Variants in TMEM132A observed in about 807,000 individuals in gnomAD.
The protein encoded by TMEM132A is transmembrane protein 132A.
In TMEM132A, 48 loss-of-function variants were observed where a neutral mutation model predicts 69.9. That is an observed-to-expected ratio of 0.69 (90% CI 0.55 to 0.87). The LOEUF is 0.87. Among genes scored for constraint, TMEM132A ranks in the 40% least tolerant of loss-of-function variants. The probability of loss-of-function intolerance (pLI) is 0.00; values close to 1 mark genes in which losing one functional copy is unlikely to be tolerated. For missense variants in TMEM132A, 1,287 were observed against 1,407.2 expected (o/e 0.91, Z 1.37); for synonymous variants, 577 against 613.7 (o/e 0.94, Z 0.88).
chr11:60,931,615 T>C (rs981732234), intron 5 of TMEM132A, 74 bp from the exon 6 acceptor site: 1 of 1,434,212 alleles, frequency 7.0e-7, no homozygotes, highest in Non-Finnish European at 9.6e-7. Flanking sequence ...GGGATAATCA[T>C]GAATGCAGGA....
At position 60,934,432 on chromosome 11, in the gene TMEM132A, G is replaced by C. The variant is rs936177283; in HGVS notation, c.1560-56G>C. Reference sequence around the variant, plus strand: ...TGCGGGTCTCCAGCAGCTGGGCCCTGGGCAGGCTGGGGCCGCTCAGCGCTG... The same window carrying C: ...TGCGGGTCTCCAGCAGCTGGGCCCTCGGCAGGCTGGGGCCGCTCAGCGCTG... On this transcript the variant is annotated intron_variant, in intron 8 of 10. Coordinates refer to ENST00000453848, the MANE Select transcript of TMEM132A (RefSeq NM_178031.3). 5 of 1,311,448 alleles carry C rather than the reference G, an allele frequency of 3.8e-6. No homozygotes were observed. The Admixed American group carries it at 1.7e-4, about 44-fold the overall frequency. 81.2% of individuals were successfully genotyped at this position (1,311,448 alleles called of 1,614,324 possible).
In TMEM132A at chr11:60,931,756, G is replaced by T; in HGVS notation, c.1084G>T (p.Ala362Ser). ...GGAGAATAGCACTGGTGGGGGCGTA[G>T]CGGTCACTCGCCCCGTCACGTGGCA... The part of the protein sequence containing the change: ...VVENSTGGGV[A>S]VTRPVTWQLE... The change falls in exon 6 of 11, where the codon GCG becomes TCG. Residue 362 changes from alanine to serine, a missense_variant. Physicochemically the swap from Ala to Ser is moderately conservative, Grantham distance 99. Coordinates refer to ENST00000453848, the MANE Select transcript of TMEM132A (RefSeq NM_178031.3). The T allele has an allele frequency of 6.2e-7, 1 of 1,614,220 alleles. No homozygotes were observed. Among genetic ancestry groups the T allele is most frequent in the Middle Eastern group, 1.6e-4 (1 of 6,062 alleles).
chr11:60,931,055 C>T (rs959407383), intron 5 of TMEM132A, among the ~76,000 whole-genome samples: 12 of 152,238 alleles, frequency 7.9e-5, no homozygotes, highest in African/African-American at 2.6e-4. Context: ...TTATTCATGC[C>T]CTGAGCCTGG....
Position 60,931,895 on chromosome 11 carries a change from C to T in TMEM132A, c.1212+11C>T. 9 of 1,614,216 alleles carry T rather than the reference C, an allele frequency of 5.6e-6. No individual in the cohort carries two copies. Among genetic ancestry groups the T allele is most frequent in the Non-Finnish European group, 7.6e-6 (9 of 1,180,032 alleles). ...ATCCCACTGGCCAAGGTAAGGAGAC[C>T]TCCATCTCTGCCTGGGAAGGCTGGA... On this transcript the variant is annotated intron_variant, in intron 6 of 10. Transcript: ENST00000453848.
In TMEM132A at chr11:60,936,902, T is replaced by C; in HGVS notation, c.3067T>C (p.Ser1023Pro). ...CTACATGGAGAGGATCCGGGGCAGCTCCTGACCCTCCACAGCCACCTGGTC... is the reference window on the plus strand; with the variant it reads ...CTACATGGAGAGGATCCGGGGCAGCCCCTGACCCTCCACAGCCACCTGGTC... ...RNYMERIRGS[S>P] is the part of the protein sequence containing the mutation. The change falls in exon 11 of 11, where the codon TCC becomes CCC. Residue 1023 changes from serine (S) to proline (P), a missense_variant. Coordinates refer to ENST00000453848, the MANE Select transcript of TMEM132A (RefSeq NM_178031.3). The C allele has an allele frequency of 2.6e-6, 4 of 1,533,174 alleles. No individual in the cohort carries two copies. Among genetic ancestry groups the C allele is most frequent in the Non-Finnish European group, 3.5e-6 (4 of 1,139,532 alleles). 95.0% of individuals were successfully genotyped at this position (1,533,174 alleles called of 1,614,324 possible).
chr11:60,933,686 C>T lies in TMEM132A; in HGVS notation c.1501C>T (p.Leu501Phe), dbSNP rs753103512. 7 of 1,603,940 alleles carry T rather than the reference C, an allele frequency of 4.4e-6. No individual in the cohort carries two copies. Among genetic ancestry groups the T allele is most frequent in the African/African-American group, 2.7e-5 (2 of 74,820 alleles). The change falls in exon 8 of 11, where the codon CTC (leucine) becomes TTC (phenylalanine). Residue 501 changes from leucine to phenylalanine, a missense_variant. Physicochemically the swap from Leu to Phe is conservative, Grantham distance 22. Coordinates refer to ENST00000453848, the MANE Select transcript of TMEM132A (RefSeq NM_178031.3). Reference protein sequence around the residue: ...WAPLLPLRIELTDTTLEQVRG... With the variant: ...WAPLLPLRIEFTDTTLEQVRG... ...CCCCCTGCTACCGCTGCGTATCGAGCTCACCGACACCACCCTCGAGCAGGT... is the reference window on the plus strand; with the variant it reads ...CCCCCTGCTACCGCTGCGTATCGAGTTCACCGACACCACCCTCGAGCAGGT...
chr11:60,932,392 G>T (rs146824318), intron 7 of TMEM132A: 45 of 356,688 alleles, frequency 1.3e-4, no homozygotes, highest in Middle Eastern at 1.5e-3. Context: ...AGAGTCGAGA[G>T]CACATACTCT....
At position 60,935,887 on chromosome 11, in the gene TMEM132A, G is replaced by C; in HGVS notation, c.2052G>C (p.Leu684=). Residue 684 remains leucine, a synonymous_variant, in exon 11 of 11, where the codon CTG becomes CTC. Transcript: ENST00000453848. This position sits in a 1 kb window ranked among gnomAD's most constrained non-coding sequence, Gnocchi z 5.0. ...PKQEVALSLW[L]SFSDHTVAPA... Reference sequence around the variant, plus strand: ...AGGAGGTGGCCCTCTCCCTATGGCTGTCCTTCTCTGATCACACTGTGGCCC... The same window carrying C: ...AGGAGGTGGCCCTCTCCCTATGGCTCTCCTTCTCTGATCACACTGTGGCCC... 3.7e-6 allele frequency: 6 copies of C among 1,612,038 alleles called. No homozygotes were observed. The highest frequency in any genetic ancestry group is 4.2e-6 in the Non-Finnish European group (5 of 1,179,988).
intron 3 of TMEM132A, 76 bp from the exon 4 acceptor site, chr11:60,928,553 T>C: frequency 1.4e-6 from 2 of 1,397,242 alleles, no homozygotes; most frequent in South Asian, 1.2e-5. Flanking sequence ...CTGGGTTTCC[T>C]GCCATGGGTG....
At position 60,936,819 on chromosome 11, in the gene TMEM132A, A is replaced by C; in HGVS notation, c.2984A>C (p.Glu995Ala). The change falls in exon 11 of 11, where the codon GAG (glutamate) becomes GCG (alanine). Residue 995 changes from glutamate to alanine, a missense_variant. By Grantham distance (107) the Glu-to-Ala change is moderately radical. Transcript: ENST00000453848. ...CAGTCCATCCTTGTGGCAGGCGAGG[A>C]GGACATCCGCTGGGTGTGTGAGGAC... Reference protein sequence around the residue: ...AVQSILVAGEEDIRWVCEDMG... With the variant: ...AVQSILVAGEADIRWVCEDMG... 6.2e-7 allele frequency: 1 copy of C among 1,613,100 alleles called. No homozygotes were observed. The highest frequency in any genetic ancestry group is 8.5e-7 in the Non-Finnish European group (1 of 1,179,590).
In TMEM132A at chr11:60,932,074, G is replaced by A; in HGVS notation, c.1303G>A (p.Val435Met). Residue 435 changes from valine to methionine, a missense_variant, in exon 7 of 11, where the codon GTG becomes ATG. By Grantham distance (21) the Val-to-Met change is conservative. Transcript: ENST00000453848. ...LVTVDGGGAL[V>M]EVTEHVGCES... ...CACTGTGGACGGCGGGGGGGCCTTG[G>A]TGGAGGTGACAGAGCATGTCGGCTG... The A allele has an allele frequency of 2.5e-6, 4 of 1,582,190 alleles. No individual in the cohort carries two copies. Among genetic ancestry groups the A allele is most frequent in the Middle Eastern group, 3.4e-4 (2 of 5,888 alleles).
chr11:60,925,052 G>A (rs970772651), intron 1 of TMEM132A, among the ~76,000 whole-genome samples: 7 of 152,130 alleles, frequency 4.6e-5, no homozygotes, highest in Non-Finnish European at 7.4e-5. Context: ...GGTCCCGGGC[G>A]CACTAGCGTC....
rs370579260 is a variant in TMEM132A, at chr11:60,934,772, G to T, written c.1836+8G>T. The T allele has an allele frequency of 6.3e-7, 1 of 1,592,194 alleles. No individual in the cohort carries two copies. The highest frequency in any genetic ancestry group is 1.1e-5 in the South Asian group (1 of 89,452). On this transcript the variant is annotated splice_region_variant and intron_variant, in intron 9 of 10. Coordinates refer to ENST00000453848, the MANE Select transcript of TMEM132A (RefSeq NM_178031.3). ...GGTGTCACCTCCATTGAGGTAAGCA[G>T]CTGGGGACCAGGAGAGTAGACCCCC...
rs1856306800 is a variant in TMEM132A, at chr11:60,924,531, C to T, written c.-103C>T. ...GCGGCGGCGGCGGCGGCGGCCGGGACCCAGCGGGCCAGGTGGGGACGGCGC... is the reference window on the plus strand; with the variant it reads ...GCGGCGGCGGCGGCGGCGGCCGGGATCCAGCGGGCCAGGTGGGGACGGCGC... On this transcript the variant is annotated 5_prime_UTR_variant, in exon 1 of 11. Transcript: ENST00000453848. 8.4e-6 allele frequency: 7 copies of T among 833,072 alleles called. No homozygotes were observed. Among genetic ancestry groups the T allele is most frequent in the African/African-American group, 1.8e-5 (1 of 55,274 alleles). 51.6% of individuals were successfully genotyped at this position (833,072 alleles called of 1,614,324 possible). A position where few individuals can be genotyped will look rare whatever the true frequency, so the allele number is the denominator to read the frequency against.
chr11:60,927,424 G>A lies in TMEM132A; in HGVS notation c.315+6G>A, dbSNP rs967508291. The A allele has an allele frequency of 5.0e-6, 8 of 1,608,644 alleles. No homozygotes were observed. The highest frequency in any genetic ancestry group is 6.8e-6 in the Non-Finnish European group (8 of 1,177,192). ...CACCTTTTGCCACTCAGCAGGTAAG[G>A]AGGGGGCACCGGGGACTCTCAGGCT... On this transcript the variant is annotated splice_donor_region_variant and intron_variant, in intron 2 of 10. Transcript: ENST00000453848.
intron 4 of TMEM132A, among the ~76,000 whole-genome samples, 153 bp downstream of exon 4, chr11:60,929,113 G>A (rs79429321): frequency 0.065 from 9,948 of 152,264 alleles, 629 homozygotes; most frequent in African/African-American, 0.17. Flanking sequence ...AAAAAGCCAT[G>A]ACTGTGCTGG....
chr11:60,936,554 C>T lies in TMEM132A; in HGVS notation c.2719C>T (p.Arg907Cys), dbSNP rs775346044. ...GGGCACTGACCAGGAGGAACTGAGC[C>T]GCCAGCTGGACCGGCAGTCCCCTGG... is the stretch of plus-strand genomic sequence containing the variant. Reference protein sequence around the residue: ...WLGTDQEELSRQLDRQSPGPP... With the variant: ...WLGTDQEELSCQLDRQSPGPP... Residue 907 changes from arginine to cysteine, a missense_variant, in exon 11 of 11, where the codon CGC becomes TGC. Arg to Cys is a radical substitution (Grantham distance 180, BLOSUM62 -3). Transcript: ENST00000453848. The T allele has an allele frequency of 5.0e-6, 8 of 1,610,858 alleles. No homozygotes were observed. Among genetic ancestry groups the T allele is most frequent in the East Asian group, 4.5e-5 (2 of 44,846 alleles).
intron 4 of TMEM132A, 79 bp from the exon 5 acceptor site, chr11:60,930,431 G>GT: frequency 6.8e-7 from 1 of 1,478,788 alleles, no homozygotes; most frequent in Non-Finnish European, 9.0e-7. Context: ...GATGGCTTTG[G>GT]CTCCTTGTCT....
intron 1 of TMEM132A, 125 bp downstream of exon 1, chr11:60,924,858 G>C (rs1218884494): frequency 1.5e-6 from 1 of 679,706 alleles, no homozygotes; most frequent in African/African-American, 1.9e-5. Context: ...GCCCCGCAGC[G>C]CCCTGAAGGT....
Sources: gnomAD v4.1 joint callset for allele counts (sites outside exome capture counted in the v4.1 genomes callset) on GRCh38, gnomAD v4.1.1 for gene constraint, Gnocchi (gnomAD v3.1) non-coding constraint, MANE v1.5 for transcripts, NCBI Gene and HGNC (gene_info 2026-07-23, HGNC 2026-07-21) for gene names.